Variants in LRBA observed in about 807,000 individuals in gnomAD.
LRBA encodes the protein lipopolysaccharide-responsive and beige-like anchor protein.
LRBA carries 176 observed loss-of-function variants against 330.0 expected under a neutral mutation model. The ratio of observed to expected loss-of-function variants is 0.53; its 90% CI spans 0.47 to 0.60. The LOEUF is 0.60. Ranked by LOEUF, LRBA falls within the 20% of genes least tolerant of loss-of-function variation. The pLI is 0.00. For synonymous variants in LRBA, 1,230 were observed against 1,193.0 expected (o/e 1.03, Z -0.64); for missense variants, 3,259 against 3,444.8 (o/e 0.95, Z 1.35).
At chr4:150,837,050 G>A (rs187496182) in intron 28 of LRBA, among the ~76,000 whole-genome samples, 9 of 152,208 alleles carry the variant, frequency 5.9e-5, no homozygotes, top group African/African-American at 1.9e-4. Flanking sequence ...ATTTTGTTAT[G>A]TACCCAGTAG....
At chr4:150,908,519 A>C in intron 10 of LRBA, 52 bp from the exon 11 acceptor site, 1 of 1,530,130 alleles carries the variant, frequency 6.5e-7, no homozygotes, top group Non-Finnish European at 8.8e-7. Context: ...TTTCCAAAAC[A>C]ATTAAAAATA....
At chr4:150,298,138 A>G (rs987779507) in intron 53 of LRBA, among the ~76,000 whole-genome samples, 1 of 152,168 alleles carries the variant, frequency 6.6e-6, no homozygotes. Flanking sequence ...AAGACAAAGA[A>G]TAAGAATTTA....
At chr4:150,991,780 G>A (rs1229129695) in intron 2 of LRBA, among the ~76,000 whole-genome samples, 3 of 152,180 alleles carry the variant, frequency 2.0e-5, no homozygotes, top group African/African-American at 7.2e-5. Context: ...CAACTCAAAA[G>A]GGTGAATTTT....
Position 150,295,219 on chromosome 4 carries a change from T to A in LRBA, c.8017+7406A>T, listed in dbSNP as rs998301237. ...CTTTTTTTTTTTTTTTTTTTTTTTT[T>A]AAGACAGGGTCTCACTCTGTTGCCC... On this transcript the variant is annotated intron_variant, in intron 53 of 56. Coordinates refer to ENST00000651943, the MANE Select transcript of LRBA (RefSeq NM_001364905.1). Among the ~76,000 whole-genome samples the A allele has an allele frequency of 1.1e-3, 111 of 100,244 alleles. 2 individuals are homozygous for A. In the East Asian group the frequency reaches 0.024, roughly 21 times the overall value. The allele number at this position is 100,244 out of a possible 152,430, so 65.8% of individuals were successfully genotyped here. A position where few individuals can be genotyped will look rare whatever the true frequency, so the allele number is the denominator to read the frequency against.
intron 38 of LRBA, among the ~76,000 whole-genome samples, chr4:150,595,134 A>G (rs1773344710): frequency 6.6e-6 from 1 of 152,056 alleles, no homozygotes; most frequent in Non-Finnish European, 1.5e-5. Flanking sequence ...AACAGGACAC[A>G]TAAAGAATAT....
intron 37 of LRBA, among the ~76,000 whole-genome samples, chr4:150,619,522 C>T (rs1025783937): frequency 2.0e-5 from 3 of 152,084 alleles, no homozygotes; most frequent in Non-Finnish European, 2.9e-5. Context: ...AGCAAGAAGG[C>T]GTATCTACAT....
chr4:150,378,121 T>C (rs931003908), intron 47 of LRBA, among the ~76,000 whole-genome samples: 1 of 152,196 alleles, frequency 6.6e-6, no homozygotes, highest in African/African-American at 2.4e-5. Flanking sequence ...ATTATGTTCA[T>C]CAGACGTAAA....
chr4:150,267,920 C>T (rs911353777), intron 56 of LRBA, among the ~76,000 whole-genome samples: 10 of 151,884 alleles, frequency 6.6e-5, no homozygotes, highest in African/African-American at 9.7e-5. Context: ...ATTAACTGGG[C>T]GTGGTAGTGG....
intron 49 of LRBA, among the ~76,000 whole-genome samples, chr4:150,323,719 C>A (rs1324956460): frequency 6.6e-6 from 1 of 152,180 alleles, no homozygotes; most frequent in Admixed American, 6.6e-5. Context: ...CATCATATAT[C>A]CTTGGCTAAA....
chr4:150,600,085 T>A lies in LRBA; in HGVS notation c.5922-954A>T, dbSNP rs369485067. Among the ~76,000 whole-genome samples the A allele has an allele frequency of 7.2e-5, 11 of 152,196 alleles. No individual in the cohort carries two copies. In the East Asian group the frequency reaches 1.9e-3, roughly 27 times the overall value. On this transcript the variant is annotated intron_variant, in intron 37 of 56. Coordinates refer to ENST00000651943, the MANE Select transcript of LRBA (RefSeq NM_001364905.1). ...TTTCTCTCTTGTTAACTAATCATGA[T>A]CTAGCATGCTGGAAAAATATTTTAT...
At position 150,302,836 on chromosome 4, in the gene LRBA, TAAA is replaced by T. The variant is rs573876873; in HGVS notation, c.7850-47_7850-45del. On this transcript the variant is annotated intron_variant, in intron 52 of 56. Coordinates refer to ENST00000651943, the MANE Select transcript of LRBA (RefSeq NM_001364905.1). ...TTCTTTAAAAATGCTATTAAAAAAATAAAAATTCTAGTGAACAGATAACTTGTA... is the reference window on the plus strand; with the variant it reads ...TTCTTTAAAAATGCTATTAAAAAAATAATTCTAGTGAACAGATAACTTGTA... 154 of 1,443,674 alleles carry T rather than the reference TAAA, an allele frequency of 1.1e-4. No individual in the cohort carries two copies. The South Asian group carries it at 2.0e-3, about 18-fold the overall frequency. The allele number at this position is 1,443,674 out of a possible 1,614,324, so 89.4% of individuals were successfully genotyped here. A position where few individuals can be genotyped will look rare whatever the true frequency, so the allele number is the denominator to read the frequency against.
At chr4:150,920,020 G>A (rs866010485) in intron 5 of LRBA, among the ~76,000 whole-genome samples, 10 of 151,594 alleles carry the variant, frequency 6.6e-5, no homozygotes, top group African/African-American at 2.4e-4. Context: ...ATCTAAAATC[G>A]ACTGTAAGGA....
Position 150,916,691 on chromosome 4 carries a change from A to G in LRBA, c.693T>C (p.Phe231=), listed in dbSNP as rs754934660. 6.9e-6 allele frequency: 11 copies of G among 1,598,628 alleles called. No individual in the cohort carries two copies. Among genetic ancestry groups the G allele is most frequent in the Non-Finnish European group, 9.4e-6 (11 of 1,174,824 alleles). Residue 231 remains phenylalanine (F), a synonymous_variant, in exon 6 of 57, where the codon TTT becomes TTC. Coordinates refer to ENST00000651943, the MANE Select transcript of LRBA (RefSeq NM_001364905.1). ...PIAKWPYQNG[F]TFHTWLRMDP... ...CCATTCTAAGCCATGTATGAAATGT[A>G]AAACCATTCTGGTATGGCCATTTGG...
chr4:150,398,595 C>A (rs190256265), intron 47 of LRBA, among the ~76,000 whole-genome samples: 7 of 151,702 alleles, frequency 4.6e-5, no homozygotes, highest in Non-Finnish European at 1.0e-4. Context: ...TATCTTACAC[C>A]TAAACATTTT....
At chr4:150,664,727 T>A (rs1467372928) in intron 37 of LRBA, among the ~76,000 whole-genome samples, 1 of 152,176 alleles carries the variant, frequency 6.6e-6, no homozygotes, top group Non-Finnish European at 1.5e-5. Context: ...AACCCAGAAC[T>A]GTATGAGGCC....
At chr4:150,927,117 G>A (rs1326286949) in intron 4 of LRBA, among the ~76,000 whole-genome samples, 1 of 151,206 alleles carries the variant, frequency 6.6e-6, no homozygotes, top group Non-Finnish European at 1.5e-5. Context: ...GCTCACACCT[G>A]TAATCTCAGC....
chr4:150,909,167 T>A (rs1364206915), intron 9 of LRBA, among the ~76,000 whole-genome samples: 2 of 152,216 alleles, frequency 1.3e-5, no homozygotes, highest in Non-Finnish European at 2.9e-5. Flanking sequence ...ATCTTAAGTA[T>A]TTTTAAGTGT....
intron 47 of LRBA, among the ~76,000 whole-genome samples, chr4:150,391,392 G>C (rs1388894818): frequency 6.6e-6 from 1 of 152,080 alleles, no homozygotes; most frequent in African/African-American, 2.4e-5. Flanking sequence ...CCTTAAAACT[G>C]GCTTTTATAT....
In LRBA at chr4:150,780,260, T is replaced by C. The variant is rs551374493; in HGVS notation, c.5580+17821A>G. Among the ~76,000 whole-genome samples, 10 of 152,272 alleles carry C rather than the reference T, an allele frequency of 6.6e-5. No homozygotes were observed. In the South Asian group the frequency reaches 1.0e-3, roughly 16 times the overall value. On this transcript the variant is annotated intron_variant, in intron 34 of 56. Coordinates refer to ENST00000651943, the MANE Select transcript of LRBA (RefSeq NM_001364905.1). ...TAACTCCAAATAAAACATAAATAAC[T>C]GTAAAATAACACAGCATTCATTTTA...
Sources: allele counts gnomAD v4.1 joint callset (sites outside exome capture counted in the v4.1 genomes callset), GRCh38; gene constraint gnomAD v4.1.1; transcripts MANE v1.5; gene names NCBI Gene and HGNC (gene_info 2026-07-23, HGNC 2026-07-21).